Variants in SPTA1 observed in about 807,000 individuals in gnomAD.
SPTA1 encodes the protein spectrin alpha, erythrocytic 1, also known as spectrin alpha chain, erythrocytic 1.
SPTA1 carries 177 observed loss-of-function variants against 324.7 expected under a neutral mutation model. The observed-to-expected ratio is 0.55, with a 90% CI of 0.48 to 0.62. The LOEUF (loss-of-function observed/expected upper bound fraction) is 0.62. SPTA1 is among the 20% of genes least tolerant of loss of function. The pLI is 0.00. For synonymous variants in SPTA1, 1,195 were observed against 1,041.3 expected (o/e 1.15, Z -2.84); for missense variants, 3,162 against 2,883.6 (o/e 1.10, Z -2.21).
At chr1:158,635,263 G>A (rs1394619237) in intron 38 of SPTA1, among the ~76,000 whole-genome samples, 2 of 152,092 alleles carry the variant, frequency 1.3e-5, no homozygotes, top group Non-Finnish European at 2.9e-5. Context: ...TTTCATGATA[G>A]TGAGTGAGTT....
intron 39 of SPTA1, among the ~76,000 whole-genome samples, chr1:158,629,467 T>G (rs745701857): frequency 6.6e-6 from 1 of 151,120 alleles, no homozygotes; most frequent in Non-Finnish European, 1.5e-5. Flanking sequence ...TGAAAAAAAA[T>G]GGACAGAATT....
At position 158,654,735 on chromosome 1, in the gene SPTA1, G is replaced by A. The variant is rs2101869389; in HGVS notation, c.2912C>T (p.Ala971Val). 6 of 1,613,710 alleles carry A rather than the reference G, an allele frequency of 3.7e-6. No homozygotes were observed. The highest frequency in any genetic ancestry group is 1.6e-4 in the Middle Eastern group (1 of 6,062). ...QANACQQQQA[A>V]PVEGVAGEQR... ...TTCTCCAGCAACTCCCTCCACTGGT[G>A]CAGCCTGTTGTTGCTGAATAAAAAC... The change falls in exon 21 of 52, where the codon GCA (alanine) becomes GTA (valine). Residue 971 changes from alanine to valine, a missense_variant. Transcript: ENST00000643759.
chr1:158,683,406 A>G lies in SPTA1; in HGVS notation c.355T>C (p.Phe119Leu). 6.2e-7 allele frequency: 1 copy of G among 1,613,402 alleles called. No homozygotes were observed. The highest frequency in any genetic ancestry group is 1.3e-5 in the African/African-American group (1 of 74,988). Residue 119 changes from phenylalanine (F) to leucine (L), a missense_variant, in exon 3 of 52, where the codon TTT becomes CTT. Transcript: ENST00000643759. ...TCGTGGGCAGAATGACCCATGGTAAATCGTTCTTCCCTTGTTTTTTCCAGT... is the reference window on the plus strand; with the variant it reads ...TCGTGGGCAGAATGACCCATGGTAAGTCGTTCTTCCCTTGTTTTTTCCAGT... ...SELEKTREER[F>L]TMGHSAHEET...
intron 5 of SPTA1, among the ~76,000 whole-genome samples, chr1:158,679,366 A>T (rs1654631511): frequency 6.6e-6 from 1 of 152,132 alleles, no homozygotes; most frequent in Non-Finnish European, 1.5e-5. Context: ...TCATCCCTTC[A>T]AAAGGTAGAG....
Position 158,678,446 on chromosome 1 carries a change from C to T in SPTA1, c.767G>A (p.Arg256Lys). The T allele has an allele frequency of 1.2e-6, 2 of 1,613,810 alleles. No homozygotes were observed. The highest frequency in any genetic ancestry group is 2.2e-5 in the South Asian group (2 of 91,080). Residue 256 changes from arginine (R) to lysine (K), a missense_variant, in exon 6 of 52, where the codon AGA becomes AAA. Transcript: ENST00000643759. ...TGCAGCATTGGACAGAGCTTTCTGT[C>T]TCTGGAGAGCCAAACCACGAAGGCG... ...WERLRGLALQ[R>K]QKALSNAANL...
chr1:158,681,758 A>T, intron 3 of SPTA1, 91 bp from the exon 4 acceptor site: 6 of 1,556,592 alleles, frequency 3.9e-6, no homozygotes, highest in Non-Finnish European at 5.3e-6. Context: ...CTGGATAAAA[A>T]TTCTTCTCTC....
At chr1:158,653,186 C>T in intron 22 of SPTA1, 88 bp downstream of exon 22, 1 of 1,570,610 alleles carries the variant, frequency 6.4e-7, no homozygotes, top group Non-Finnish European at 8.7e-7. Flanking sequence ...CATCTCAAAT[C>T]TAACAGATGC....
rs184226965 is a variant in SPTA1, at chr1:158,623,357, A to G, written c.5911-165T>C. 3.7e-3 allele frequency among the ~76,000 whole-genome samples: 570 copies of G among 152,360 alleles called. 1 individual carries two copies. The highest frequency in any genetic ancestry group is 6.2e-3 in the Non-Finnish European group (420 of 68,038). On this transcript the variant is annotated intron_variant, in intron 42 of 51. Coordinates refer to ENST00000643759, the MANE Select transcript of SPTA1 (RefSeq NM_003126.4). ...AGATGTAAGCAAACATTTGGGGCTGAAAGCTCCAGTTTATGTATATTTTAC... is the reference window on the plus strand; with the variant it reads ...AGATGTAAGCAAACATTTGGGGCTGGAAGCTCCAGTTTATGTATATTTTAC...
In SPTA1 at chr1:158,631,667, C is replaced by T. The variant is rs548423395; in HGVS notation, c.5565+2876G>A. Among the ~76,000 whole-genome samples the T allele has an allele frequency of 2.0e-5, 3 of 152,178 alleles. No homozygotes were observed. In the East Asian group the frequency reaches 5.8e-4, roughly 29 times the overall value. On this transcript the variant is annotated intron_variant, in intron 39 of 51. Transcript: ENST00000643759. ...TTTAATAGAAATTTCCCTAAAAAGG[C>T]ATGTAAATGCCCCTCAGGTATATGA...
intron 3 of SPTA1, among the ~76,000 whole-genome samples, chr1:158,682,519 TA>T (rs1174407855): frequency 1.3e-5 from 2 of 152,340 alleles, no homozygotes; most frequent in Non-Finnish European, 2.9e-5. Context: ...GGTTCTTCTT[TA>T]AAATAAGATT....
chr1:158,666,558 A>G (rs1653619317), intron 15 of SPTA1, 61 bp from the exon 16 acceptor site: 2 of 1,409,974 alleles, frequency 1.4e-6, no homozygotes, highest in African/African-American at 2.8e-5. Context: ...TTACACTATA[A>G]TATACCTTCC....
At position 158,674,587 on chromosome 1, in the gene SPTA1, C is replaced by T. The variant is rs752120566; in HGVS notation, c.1201G>A (p.Asp401Asn). Residue 401 changes from aspartate to asparagine, a missense_variant, in exon 9 of 52, where the codon GAT becomes AAT. Physicochemically the swap from Asp to Asn is conservative, Grantham distance 23. Coordinates refer to ENST00000643759, the MANE Select transcript of SPTA1 (RefSeq NM_003126.4). ...AAINADELPT[D>N]VAGGEVLLDR... ...AGCAGAACTTCTCCACCAGCCACAT[C>T]TGTTGGCAGCTCATCAGCATTGATC... is the stretch of plus-strand genomic sequence containing the variant. The T allele has an allele frequency of 6.2e-7, 1 of 1,614,030 alleles. No individual in the cohort carries two copies. The highest frequency in any genetic ancestry group is 8.5e-7 in the Non-Finnish European group (1 of 1,180,022).
At chr1:158,638,927 C>T (rs1433148859) in intron 35 of SPTA1, among the ~76,000 whole-genome samples, 1 of 152,036 alleles carries the variant, frequency 6.6e-6, no homozygotes, top group African/African-American at 2.4e-5. Flanking sequence ...TTCTTAGCTG[C>T]CCATTGAACA....
intron 18 of SPTA1, among the ~76,000 whole-genome samples, chr1:158,659,082 T>C (rs1653024390): frequency 6.6e-6 from 1 of 152,010 alleles, no homozygotes; most frequent in Non-Finnish European, 1.5e-5. Flanking sequence ...ATGGGAACTA[T>C]GAGGGTGAAT....
chr1:158,613,601 G>A (rs1346572226), intron 50 of SPTA1, 120 bp downstream of exon 50: 2 of 1,402,186 alleles, frequency 1.4e-6, no homozygotes, highest in East Asian at 2.3e-5. Flanking sequence ...ATTTATGGTT[G>A]CCTATTTCTT....
intron 33 of SPTA1, among the ~76,000 whole-genome samples, chr1:158,641,207 T>A (rs953232772): frequency 2.0e-5 from 3 of 152,242 alleles, no homozygotes; most frequent in African/African-American, 7.2e-5. Flanking sequence ...ATAAAAACCC[T>A]AGAAGAAAAC....
chr1:158,675,972 A>G (rs7526842), intron 8 of SPTA1, among the ~76,000 whole-genome samples, 169 bp downstream of exon 8: 6,348 of 152,282 alleles, frequency 0.042, 429 homozygotes, highest in African/African-American at 0.14. Flanking sequence ...ACTATATTAT[A>G]TCAGTCACAA....
At chr1:158,682,617 C>A (rs1388956135) in intron 3 of SPTA1, among the ~76,000 whole-genome samples, 1 of 151,928 alleles carries the variant, frequency 6.6e-6, no homozygotes, top group Non-Finnish European at 1.5e-5. Context: ...AAAGGCCAGA[C>A]CCAGTTTTAA....
In SPTA1 at chr1:158,647,439, T is replaced by C. The variant is rs1652078543; in HGVS notation, c.3896+100A>G. 8.9e-6 allele frequency: 13 copies of C among 1,452,578 alleles called. No homozygotes were observed. The South Asian group carries it at 1.3e-4, about 14-fold the overall frequency. The allele number at this position is 1,452,578 out of a possible 1,614,324, so 90.0% of individuals were successfully genotyped here. ...TGCAAGAGGTGAGACTTAAACGTAG[T>C]GATGCCCTCCAAAACCAGCAGTGAA... On this transcript the variant is annotated intron_variant, in intron 27 of 51. Coordinates refer to ENST00000643759, the MANE Select transcript of SPTA1 (RefSeq NM_003126.4).
Sources: allele counts gnomAD v4.1 joint callset (sites outside exome capture counted in the v4.1 genomes callset), GRCh38; gene constraint gnomAD v4.1.1; transcripts MANE v1.5; gene names NCBI Gene and HGNC (gene_info 2026-07-23, HGNC 2026-07-21).